The following SNTG1 variants were observed in gnomAD, a reference collection of about 807,000 sequenced individuals.
SNTG1 encodes the protein gamma-1-syntrophin.
In SNTG1, 39 loss-of-function variants were observed where a neutral mutation model predicts 74.7. The ratio of observed to expected loss-of-function variants is 0.52; its 90% CI spans 0.40 to 0.68. SNTG1 has a LOEUF of 0.68. Ranked by LOEUF, SNTG1 falls within the 30% of genes least tolerant of loss-of-function variation. The pLI is 0.00. For synonymous variants in SNTG1, 254 were observed against 217.1 expected (o/e 1.17, Z -1.49); for missense variants, 685 against 609.5 (o/e 1.12, Z -1.30).
At chr8:50,245,481 G>A (rs866801529) in intron 2 of SNTG1, among the ~76,000 whole-genome samples, 2 of 151,978 alleles carry the variant, frequency 1.3e-5, no homozygotes, top group African/African-American at 2.4e-5. Flanking sequence ...TCAAAAGATC[G>A]AGACCATCCT....
At chr8:50,711,904 G>A (rs16915279) in intron 17 of SNTG1, among the ~76,000 whole-genome samples, 1,544 of 152,158 alleles carry the variant, frequency 0.01, 51 homozygotes, top group Admixed American at 0.066. Flanking sequence ...TGTTAGAGAA[G>A]GGTATTATTA....
intron 2 of SNTG1, among the ~76,000 whole-genome samples, chr8:50,332,679 T>C (rs1420483387): frequency 6.6e-6 from 1 of 152,214 alleles, no homozygotes; most frequent in Non-Finnish European, 1.5e-5. Flanking sequence ...GCTCAGCTAC[T>C]GAGGCAATCT....
intron 1 of SNTG1, among the ~76,000 whole-genome samples, chr8:50,017,192 T>A (rs1816404912): frequency 6.6e-6 from 1 of 152,102 alleles, no homozygotes; most frequent in Non-Finnish European, 1.5e-5. Flanking sequence ...TTTCTGTTTG[T>A]TACTCATTTC....
intron 2 of SNTG1, among the ~76,000 whole-genome samples, chr8:50,306,900 T>G (rs1390405405): frequency 6.6e-6 from 1 of 152,032 alleles, no homozygotes; most frequent in Non-Finnish European, 1.5e-5. Context: ...TGAAATCACA[T>G]TTACTTTTTT....
At chr8:50,588,860 G>T (rs28455652) in intron 12 of SNTG1, among the ~76,000 whole-genome samples, 1 of 150,280 alleles carries the variant, frequency 6.7e-6, no homozygotes, top group Non-Finnish European at 1.5e-5. Context: ...TATTGTATTC[G>T]CCACATTACA....
chr8:50,036,567 G>A (rs140636717), intron 1 of SNTG1, among the ~76,000 whole-genome samples: 265 of 152,208 alleles, frequency 1.7e-3, no homozygotes, highest in African/African-American at 5.9e-3. Flanking sequence ...CTCACTAGAC[G>A]AGACCTCCTG....
intron 1 of SNTG1, among the ~76,000 whole-genome samples, chr8:50,054,674 T>G (rs561721589): frequency 6.6e-6 from 1 of 152,058 alleles, no homozygotes; most frequent in Admixed American, 6.6e-5. Flanking sequence ...TCAGTTCTTA[T>G]TATTTATTTA....
rs562891277 is a variant in SNTG1, at chr8:50,182,670, A to C, written c.-28+10035A>C. Among the ~76,000 whole-genome samples, 64 of 152,142 alleles carry C rather than the reference A, an allele frequency of 4.2e-4. 1 individual carries two copies. In the South Asian group the frequency reaches 0.013, roughly 31 times the overall value. On this transcript the variant is annotated intron_variant, in intron 2 of 18. Coordinates refer to ENST00000642720, the MANE Select transcript of SNTG1 (RefSeq NM_018967.5). ...TGTGTGTACACCAGACATCTCTTAA[A>C]AGCTACTTCAGATTCTCTTAATTTC...
At chr8:50,677,282 T>G (rs1585495856) in intron 15 of SNTG1, among the ~76,000 whole-genome samples, 2 of 152,094 alleles carry the variant, frequency 1.3e-5, no homozygotes, top group East Asian at 3.9e-4. Context: ...AATCTACCTA[T>G]CATATGCAAA....
At chr8:50,203,835 A>G (rs768415368) in intron 2 of SNTG1, among the ~76,000 whole-genome samples, 2 of 151,980 alleles carry the variant, frequency 1.3e-5, no homozygotes, top group Admixed American at 1.3e-4. Context: ...CTGAAGAATA[A>G]TGTAAGACTT....
chr8:50,170,010 G>C (rs951139273), intron 1 of SNTG1, among the ~76,000 whole-genome samples: 3 of 152,150 alleles, frequency 2.0e-5, no homozygotes, highest in African/African-American at 7.2e-5. Context: ...TGGTAAATAT[G>C]TAAACAGAAG....
At chr8:50,648,431 G>A (rs970572414) in intron 13 of SNTG1, among the ~76,000 whole-genome samples, 6 of 151,964 alleles carry the variant, frequency 3.9e-5, no homozygotes, top group Non-Finnish European at 8.8e-5. Flanking sequence ...GTCATTAATA[G>A]AGAAACTGTA....
At position 49,931,581 on chromosome 8, in the gene SNTG1, A is replaced by G. The variant is rs183098156; in HGVS notation, c.-103+19350A>G. On this transcript the variant is annotated intron_variant, in intron 1 of 18. Transcript: ENST00000642720. ...AAAGTTGAAATATTTTTAAAGTGTG[A>G]AAATAACCTAGAAGTCTATGAAAAA... is the stretch of plus-strand genomic sequence containing the variant. 2.6e-5 allele frequency among the ~76,000 whole-genome samples: 4 copies of G among 152,346 alleles called. No homozygotes were observed. The East Asian group carries it at 7.7e-4, about 29-fold the overall frequency.
At chr8:50,608,691 TCAATCACATTTGAAATAATTA>T (rs1219948919) in intron 13 of SNTG1, among the ~76,000 whole-genome samples, 11 of 151,916 alleles carry the variant, frequency 7.2e-5, no homozygotes, top group Non-Finnish European at 1.6e-4. Flanking sequence ...GGTGTTTCAG[TCAATCACATTTGAAATAATTA>T]TGGATATGCT....
At chr8:50,781,925 G>A (rs1319628889) in intron 18 of SNTG1, among the ~76,000 whole-genome samples, 1 of 152,084 alleles carries the variant, frequency 6.6e-6, no homozygotes, top group Non-Finnish European at 1.5e-5. Flanking sequence ...CTCAGCATTT[G>A]CTTGTCTGTA....
intron 2 of SNTG1, among the ~76,000 whole-genome samples, chr8:50,255,182 T>C (rs2086826436): frequency 6.6e-6 from 1 of 152,100 alleles, no homozygotes. Context: ...AGTTCCTAGT[T>C]GTATTTCTTA....
chr8:50,256,773 A>G (rs2086901081), intron 2 of SNTG1, among the ~76,000 whole-genome samples: 1 of 100,546 alleles, frequency 9.9e-6, no homozygotes, highest in Admixed American at 1.3e-4. Context: ...ACTGGAAAAA[A>G]GGGTGTGTGT....
chr8:50,446,821 C>T (rs1355976028), intron 5 of SNTG1, among the ~76,000 whole-genome samples: 1 of 152,102 alleles, frequency 6.6e-6, no homozygotes, highest in Non-Finnish European at 1.5e-5. Context: ...CAATAGTCTC[C>T]ACTTAACCTT....
At chr8:50,657,257 A>G (rs995190823) in intron 14 of SNTG1, among the ~76,000 whole-genome samples, 1 of 152,180 alleles carries the variant, frequency 6.6e-6, no homozygotes, top group African/African-American at 2.4e-5. Flanking sequence ...GTGAACCTAT[A>G]AAATAATGGA....
Sources: allele counts gnomAD v4.1 joint callset (sites outside exome capture counted in the v4.1 genomes callset), GRCh38; gene constraint gnomAD v4.1.1; transcripts MANE v1.5; gene names NCBI Gene and HGNC (gene_info 2026-07-23, HGNC 2026-07-21).